Variants in NLGN1 observed in about 807,000 individuals in gnomAD.
The protein encoded by NLGN1 is neuroligin-1.
In NLGN1, 12 loss-of-function variants were observed where a neutral mutation model predicts 65.5. The ratio of observed to expected loss-of-function variants is 0.18; its 90% CI spans 0.12 to 0.30. The LOEUF (loss-of-function observed/expected upper bound fraction) is 0.30, where lower values mean the gene tolerates loss of function less well. Ranked by LOEUF, NLGN1 falls within the 10% of genes least tolerant of loss-of-function variation. The pLI, the probability that NLGN1 is intolerant of heterozygous loss-of-function variation, is 1.00. For synonymous variants in NLGN1, 350 were observed against 359.5 expected (o/e 0.97, Z 0.30); for missense variants, 750 against 1,007.1 (o/e 0.74, Z 3.46).
intron 2 of NLGN1, among the ~76,000 whole-genome samples, chr3:173,563,035 A>G (rs933560546): frequency 1.3e-5 from 2 of 152,214 alleles, no homozygotes; most frequent in South Asian, 4.1e-4. Flanking sequence ...ACCTGAGATG[A>G]TAGGGATTCC....
Position 173,741,712 on chromosome 3 carries a change from C to T in NLGN1, c.494-65968C>T, listed in dbSNP as rs903888485. 8.5e-5 allele frequency among the ~76,000 whole-genome samples: 13 copies of T among 152,136 alleles called. 1 individual carries two copies. Among genetic ancestry groups the T allele is most frequent in the East Asian group, 1.9e-4 (1 of 5,142 alleles). ...TTCACCATGTTGGCTAGGCTGATCT[C>T]GATCTCCTGACCTCAGGTGATCCAA... On this transcript the variant is annotated intron_variant, in intron 3 of 6. Transcript: ENST00000457714.
chr3:174,214,723 A>G (rs1178188197), intron 4 of NLGN1, among the ~76,000 whole-genome samples: 1 of 152,176 alleles, frequency 6.6e-6, no homozygotes, highest in Admixed American at 6.5e-5. Context: ...AAAATAGCTA[A>G]TCATAGTCTC....
At chr3:173,871,179 C>G (rs372286362) in intron 4 of NLGN1, among the ~76,000 whole-genome samples, 44 of 152,188 alleles carry the variant, frequency 2.9e-4, no homozygotes, top group African/African-American at 1.0e-3. Context: ...TGACGTGTCC[C>G]GAAGAGGCTA....
chr3:173,406,123 G>C (rs988819874), intron 1 of NLGN1, among the ~76,000 whole-genome samples: 2 of 151,974 alleles, frequency 1.3e-5, no homozygotes, highest in African/African-American at 4.8e-5. Context: ...TAAAATAACT[G>C]TTAAGCAATG....
chr3:174,281,308 A>T lies in NLGN1; in HGVS notation c.*5A>T, dbSNP rs377660770. On this transcript the variant is annotated 3_prime_UTR_variant, in exon 7 of 7. Coordinates refer to ENST00000457714, the Ensembl canonical transcript of NLGN1. ...CATTCAACAACCAGGGTATAGCCAG[A>T]TAAGAGAAACAAACTATTTTTTTTG... 3 of 1,579,782 alleles carry T rather than the reference A, an allele frequency of 1.9e-6. No individual in the cohort carries two copies. The African/African-American group carries it at 4.1e-5, about 21-fold the overall frequency.
At chr3:173,929,101 C>T (rs1743565687) in intron 4 of NLGN1, among the ~76,000 whole-genome samples, 1 of 152,064 alleles carries the variant, frequency 6.6e-6, no homozygotes, top group Non-Finnish European at 1.5e-5. Context: ...GTATCCAATC[C>T]AAAGGTCTTA....
chr3:173,835,168 T>C (rs1299466519), intron 4 of NLGN1, among the ~76,000 whole-genome samples: 1 of 152,208 alleles, frequency 6.6e-6, no homozygotes. Context: ...ATTTTTGCAG[T>C]AGACTCTGAG....
chr3:173,750,635 C>G (rs1311816658), intron 3 of NLGN1, among the ~76,000 whole-genome samples: 1 of 151,932 alleles, frequency 6.6e-6, no homozygotes, highest in Non-Finnish European at 1.5e-5. Flanking sequence ...CATTTCTGTG[C>G]CTCAAAGTAA....
chr3:173,579,248 C>A (rs1746011560), intron 2 of NLGN1, among the ~76,000 whole-genome samples: 1 of 152,162 alleles, frequency 6.6e-6, no homozygotes, highest in Admixed American at 6.5e-5. Flanking sequence ...CCAAGGTGGG[C>A]AGATTGCTTG....
chr3:174,255,251 C>A (rs1319798492), intron 4 of NLGN1, among the ~76,000 whole-genome samples: 1 of 151,806 alleles, frequency 6.6e-6, no homozygotes, highest in African/African-American at 2.4e-5. Flanking sequence ...CTGGCTAACA[C>A]GGTGAAGCCC....
chr3:174,275,270 A>C, intron 4 of NLGN1, 45 bp from the exon 5 acceptor site: 1 of 1,424,368 alleles, frequency 7.0e-7, no homozygotes, highest in East Asian at 2.3e-5. Context: ...TGTCTATTTG[A>C]TTCACGTCAG....
chr3:173,500,454 C>T (rs771248617), intron 2 of NLGN1, among the ~76,000 whole-genome samples: 1 of 152,092 alleles, frequency 6.6e-6, no homozygotes. Flanking sequence ...TTCGGTTTGC[C>T]AGTCTTTTAT....
At chr3:173,555,693 G>A (rs745996054) in intron 2 of NLGN1, among the ~76,000 whole-genome samples, 7 of 152,154 alleles carry the variant, frequency 4.6e-5, no homozygotes, top group Non-Finnish European at 1.0e-4. Context: ...ATGTTGCCTA[G>A]CCTGGTCTCA....
chr3:173,567,437 A>G (rs1251093076), intron 2 of NLGN1, among the ~76,000 whole-genome samples: 1 of 151,974 alleles, frequency 6.6e-6, no homozygotes, highest in Non-Finnish European at 1.5e-5. Context: ...TTTATTAGAT[A>G]AATAGAAATA....
intron 4 of NLGN1, among the ~76,000 whole-genome samples, chr3:173,810,530 C>T (rs1262767720): frequency 3.3e-5 from 5 of 152,106 alleles, no homozygotes; most frequent in Admixed American, 6.5e-5. Context: ...TGATTTGAGG[C>T]GACTGGTTGG....
At chr3:174,139,783 A>C (rs1251004097) in intron 4 of NLGN1, among the ~76,000 whole-genome samples, 1 of 152,120 alleles carries the variant, frequency 6.6e-6, no homozygotes. Context: ...TGATGTTGTC[A>C]GTGTTCTGGA....
chr3:173,609,270 T>G (rs1209237112), intron 3 of NLGN1, among the ~76,000 whole-genome samples: 4 of 151,994 alleles, frequency 2.6e-5, no homozygotes, highest in Non-Finnish European at 5.9e-5. Context: ...TTCCTGCACT[T>G]GTGAGACATT....
intron 4 of NLGN1, among the ~76,000 whole-genome samples, chr3:174,235,231 G>A (rs547848650): frequency 2.4e-4 from 36 of 151,850 alleles, no homozygotes; most frequent in African/African-American, 8.0e-4. Flanking sequence ...TTACACAGGA[G>A]ATTAAATAAG....
chr3:173,454,606 A>G (rs1186895795), intron 2 of NLGN1, among the ~76,000 whole-genome samples: 2 of 152,122 alleles, frequency 1.3e-5, no homozygotes, highest in Non-Finnish European at 2.9e-5. Context: ...TGATGAACCA[A>G]TTTCTCCATG....
Sources: allele counts gnomAD v4.1 joint callset (sites outside exome capture counted in the v4.1 genomes callset), GRCh38; gene constraint gnomAD v4.1.1; transcripts MANE v1.5; gene names NCBI Gene and HGNC (gene_info 2026-07-23, HGNC 2026-07-21).